MEOX2: variants seen among roughly 807,000 people sequenced by gnomAD.
MEOX2 encodes mesenchyme homeobox 2, also known as homeobox protein MOX-2.
Under a neutral mutation model 27.0 loss-of-function variants are expected in MEOX2, and 11 were observed. The observed-to-expected ratio is 0.41, with a 90% CI of 0.26 to 0.68. The LOEUF (loss-of-function observed/expected upper bound fraction) is 0.68. MEOX2 is among the 30% of genes least tolerant of loss of function. The pLI, the probability that MEOX2 is intolerant of heterozygous loss-of-function variation, is 0.33. For missense variants in MEOX2, 436 were observed against 385.4 expected (o/e 1.13, Z -1.10); for synonymous variants, 189 against 155.4 (o/e 1.22, Z -1.61).
At chr7:15,674,539 T>C (rs962790122) in intron 1 of MEOX2, among the ~76,000 whole-genome samples, 1 of 147,074 alleles carries the variant, frequency 6.8e-6, no homozygotes, top group Non-Finnish European at 1.5e-5. Flanking sequence ...AAATTAAAAT[T>C]AATTAGATAA....
At position 15,685,894 on chromosome 7, in the gene MEOX2, T is replaced by C; in HGVS notation, c.509A>G (p.Asp170Gly). Residue 170 changes from aspartate (D) to glycine (G), a missense_variant, in exon 1 of 3, where the codon GAC (aspartate) becomes GGC (glycine). Asp to Gly is a moderately conservative substitution (Grantham distance 94). Transcript: ENST00000262041. ...GCCTGGCGCGCCCTTACCTGAGCTG[T>C]CGCTTTTCCTCTTGCCGCCGCTTCG... ...EKRSGGKRKS[D>G]SSDSQEGNYK... 1 of 1,599,680 alleles carries C rather than the reference T, an allele frequency of 6.3e-7. No individual in the cohort carries two copies. The highest frequency in any genetic ancestry group is 8.5e-7 in the Non-Finnish European group (1 of 1,173,774).
At chr7:15,652,563 T>A (rs574588185) in intron 1 of MEOX2, among the ~76,000 whole-genome samples, 15 of 152,136 alleles carry the variant, frequency 9.9e-5, no homozygotes, top group Non-Finnish European at 2.1e-4. Flanking sequence ...AAACATATAG[T>A]ACAAATAAAG....
At chr7:15,649,634 G>A (rs1279690248) in intron 1 of MEOX2, among the ~76,000 whole-genome samples, 5 of 152,074 alleles carry the variant, frequency 3.3e-5, no homozygotes, top group African/African-American at 1.2e-4. Context: ...GAATATAAAT[G>A]GGAGAGATGG....
chr7:15,642,619 C>G (rs1781580042), intron 1 of MEOX2, among the ~76,000 whole-genome samples: 1 of 152,114 alleles, frequency 6.6e-6, no homozygotes, highest in African/African-American at 2.4e-5. Flanking sequence ...TCAAAGTTTT[C>G]ATTTTGGTTA....
chr7:15,625,537 A>G (rs2115359425), intron 2 of MEOX2, among the ~76,000 whole-genome samples: 1 of 152,326 alleles, frequency 6.6e-6, no homozygotes, highest in East Asian at 1.9e-4. Context: ...AAGAAATTGG[A>G]TAAAATAACT....
At chr7:15,633,885 T>A (rs938449975) in intron 1 of MEOX2, among the ~76,000 whole-genome samples, 1 of 151,914 alleles carries the variant, frequency 6.6e-6, no homozygotes, top group Admixed American at 6.6e-5. Flanking sequence ...GATCTGATTA[T>A]AGATTATAAT....
intron 1 of MEOX2, among the ~76,000 whole-genome samples, chr7:15,640,561 T>C (rs573368542): frequency 1.3e-5 from 2 of 152,150 alleles, no homozygotes; most frequent in Non-Finnish European, 2.9e-5. Flanking sequence ...CTATGTTGAA[T>C]GTTGAATAGC....
chr7:15,663,642 A>T (rs1387067913), intron 1 of MEOX2, among the ~76,000 whole-genome samples: 1 of 152,090 alleles, frequency 6.6e-6, no homozygotes, highest in Non-Finnish European at 1.5e-5. Context: ...CCCAGCCAAT[A>T]ATCTTTAATA....
chr7:15,644,890 G>A (rs892071149), intron 1 of MEOX2, among the ~76,000 whole-genome samples: 3 of 152,060 alleles, frequency 2.0e-5, no homozygotes, highest in African/African-American at 4.8e-5. Context: ...CTTCAAGAGG[G>A]TTACAAACTT....
chr7:15,668,250 A>C (rs1414171807), intron 1 of MEOX2: 1 of 152,248 alleles, frequency 6.6e-6, no homozygotes, highest in Non-Finnish European at 1.5e-5. Flanking sequence ...CCTGACGGTG[A>C]TGAAAACTGA....
chr7:15,635,581 T>C (rs937965070), intron 1 of MEOX2, among the ~76,000 whole-genome samples: 2 of 151,968 alleles, frequency 1.3e-5, no homozygotes, highest in Non-Finnish European at 2.9e-5. Context: ...AATTGTAAAC[T>C]CTAGCCGTTA....
At chr7:15,666,779 AATATATATATAT>A (rs1554296193) in intron 1 of MEOX2, among the ~76,000 whole-genome samples, 2 of 33,300 alleles carry the variant, frequency 6.0e-5, no homozygotes, top group Non-Finnish European at 1.1e-4. Flanking sequence ...AAAAAAAAAA[AATATATATATAT>A]ATATATATAT....
intron 1 of MEOX2, among the ~76,000 whole-genome samples, chr7:15,656,749 A>G (rs954104885): frequency 5.9e-5 from 9 of 151,930 alleles, no homozygotes; most frequent in African/African-American, 2.2e-4. Context: ...GAGAAAGACA[A>G]TGTATTGTAT....
chr7:15,641,365 G>T (rs1222439819), intron 1 of MEOX2, among the ~76,000 whole-genome samples: 1 of 134,674 alleles, frequency 7.4e-6, no homozygotes, highest in African/African-American at 2.5e-5. Flanking sequence ...CTTGTTTTTT[G>T]TTTGTTTGTT....
At chr7:15,680,903 T>G (rs73290115) in intron 1 of MEOX2, 6 of 151,664 alleles carry the variant, frequency 4.0e-5, no homozygotes, top group Non-Finnish European at 8.9e-5. Flanking sequence ...TTACCAATAC[T>G]ATAAGCCAGG....
chr7:15,668,043 G>A (rs1782036469), intron 1 of MEOX2: 1 of 152,130 alleles, frequency 6.6e-6, no homozygotes, highest in Admixed American at 6.6e-5. Context: ...CACATCCCGA[G>A]TTTTCAAGGT....
intron 1 of MEOX2, among the ~76,000 whole-genome samples, chr7:15,653,509 T>G (rs1781772785): frequency 6.6e-6 from 1 of 151,988 alleles, no homozygotes; most frequent in Non-Finnish European, 1.5e-5. Context: ...AATTTTTCCT[T>G]TTATGGATCA....
intron 1 of MEOX2, among the ~76,000 whole-genome samples, chr7:15,671,804 C>A (rs1782101249): frequency 6.6e-6 from 1 of 152,188 alleles, no homozygotes; most frequent in Middle Eastern, 3.4e-3. Flanking sequence ...CACCTGTAAT[C>A]CCAGTGCTTT....
Position 15,651,008 on chromosome 7 carries a change from G to A in MEOX2, c.518-24090C>T, listed in dbSNP as rs541764818. ...TGAGATAGAGCATGCGGAATGTACTGGGAACACTTACTTTCTGAAAGTGCT... is the reference window on the plus strand; with the variant it reads ...TGAGATAGAGCATGCGGAATGTACTAGGAACACTTACTTTCTGAAAGTGCT... On this transcript the variant is annotated intron_variant, in intron 1 of 2. Coordinates refer to ENST00000262041, the MANE Select transcript of MEOX2 (RefSeq NM_005924.5). Among the ~76,000 whole-genome samples the A allele has an allele frequency of 5.4e-4, 82 of 152,056 alleles. 1 individual carries two copies. The highest frequency in any genetic ancestry group is 2.0e-3 in the African/African-American group (81 of 41,524).
Sources: allele counts gnomAD v4.1 joint callset (sites outside exome capture counted in the v4.1 genomes callset), GRCh38; gene constraint gnomAD v4.1.1; transcripts MANE v1.5; gene names NCBI Gene and HGNC (gene_info 2026-07-23, HGNC 2026-07-21).